Variants in MOSMO observed in about 807,000 individuals in gnomAD.
MOSMO encodes modulator of smoothened protein.
MOSMO carries 5 observed loss-of-function variants against 18.4 expected under a neutral mutation model. The observed-to-expected ratio is 0.27, with a 90% CI of 0.14 to 0.57. The LOEUF is 0.57. Ranked by LOEUF, MOSMO falls within the 20% of genes least tolerant of loss-of-function variation. The pLI, the probability that MOSMO is intolerant of heterozygous loss-of-function variation, is 0.92. For missense variants in MOSMO, 138 were observed against 211.8 expected (o/e 0.65, Z 2.16); for synonymous variants, 82 against 82.3 (o/e 1.00, Z 0.02).
chr16:22,043,840 A>G (rs1216193494), intron 1 of MOSMO, among the ~76,000 whole-genome samples: 1 of 152,170 alleles, frequency 6.6e-6, no homozygotes. Context: ...ATTATGTTGT[A>G]TTAGTCCGTT....
At chr16:22,036,242 C>T (rs1048260833) in intron 1 of MOSMO, among the ~76,000 whole-genome samples, 16 of 152,100 alleles carry the variant, frequency 1.1e-4, no homozygotes, top group African/African-American at 3.9e-4. Flanking sequence ...CCGCTTACCT[C>T]AGCCTCTCGA....
At chr16:22,034,445 T>G (rs1445708287) in intron 1 of MOSMO, among the ~76,000 whole-genome samples, 1 of 152,202 alleles carries the variant, frequency 6.6e-6, no homozygotes, top group African/African-American at 2.4e-5. Context: ...TCTTTATTTC[T>G]GTTTCATTTT....
intron 1 of MOSMO, among the ~76,000 whole-genome samples, chr16:22,040,475 A>G (rs1333285841): frequency 1.3e-5 from 2 of 152,216 alleles, no homozygotes. Flanking sequence ...AGAAGCAGGC[A>G]ATAAGAATGA....
At chr16:22,062,792 G>C (rs1046637434) in intron 1 of MOSMO, among the ~76,000 whole-genome samples, 1 of 152,088 alleles carries the variant, frequency 6.6e-6, no homozygotes. Context: ...AGGAAGCTGA[G>C]GTACACAGAG....
downstream of MOSMO, chr16:22,092,408 TATC>T: frequency 2.2e-6 from 1 of 462,010 alleles, no homozygotes; most frequent in South Asian, 2.5e-5. Flanking sequence ...GAGAAGTGGT[TATC>T]AACAACACAG....
chr16:22,080,816 T>C lies in MOSMO; in HGVS notation c.440T>C (p.Val147Ala). 1 of 1,479,810 alleles carries C rather than the reference T, an allele frequency of 6.8e-7. No individual in the cohort carries two copies. Among genetic ancestry groups the C allele is most frequent in the Non-Finnish European group, 8.9e-7 (1 of 1,122,572 alleles). 91.7% of individuals were successfully genotyped at this position (1,479,810 alleles called of 1,614,324 possible). A position where few individuals can be genotyped will look rare whatever the true frequency, so the allele number is the denominator to read the frequency against. Reference sequence around the variant, plus strand: ...GTTGGGTCATCATATGTACTTTTTGTCTTATCAATTTTCTTTACAATAGTA... The same window carrying C: ...GTTGGGTCATCATATGTACTTTTTGCCTTATCAATTTTCTTTACAATAGTA... ...TVVGSSYVLF[V>A]LSIFFTIVGL... Residue 147 changes from valine to alanine, a missense_variant, in exon 3 of 3, where the codon GTC (valine) becomes GCC (alanine). Transcript: ENST00000542527.
intron 1 of MOSMO, among the ~76,000 whole-genome samples, chr16:22,027,531 C>T (rs957487554): frequency 6.6e-6 from 1 of 152,178 alleles, no homozygotes; most frequent in Non-Finnish European, 1.5e-5. Flanking sequence ...GCACTTAATA[C>T]TACACCCAGC....
At chr16:22,025,964 A>AC in intron 1 of MOSMO, among the ~76,000 whole-genome samples, 1 of 151,424 alleles carries the variant, frequency 6.6e-6, no homozygotes, top group Non-Finnish European at 1.5e-5. Flanking sequence ...AACCATTTGA[A>AC]CCCCCTTTTT....
At position 22,034,743 on chromosome 16, in the gene MOSMO, GGT is replaced by G. The variant is rs1491237193; in HGVS notation, c.106+26337_106+26338del. Among the ~76,000 whole-genome samples the G allele has an allele frequency of 1.4e-3, 151 of 110,602 alleles. 1 individual carries two copies. The highest frequency in any genetic ancestry group is 5.4e-3 in the African/African-American group (148 of 27,558). The allele number at this position is 110,602 out of a possible 152,430, so 72.6% of individuals were successfully genotyped here. The stretch of plus-strand genomic sequence containing the variant: ...ACTGTTTTTTTTGTTTGTTTTTTTG[GGT>G]TTTTTTTTTTTTTTTTTTTTTTTTT... On this transcript the variant is annotated intron_variant, in intron 1 of 2. Transcript: ENST00000542527.
chr16:22,076,121 G>T lies in MOSMO; in HGVS notation c.319+422G>T, dbSNP rs779424444. 17 of 182,758 alleles carry T rather than the reference G, an allele frequency of 9.3e-5. No homozygotes were observed. The South Asian group carries it at 1.3e-3, about 14-fold the overall frequency. The allele number at this position is 182,758 out of a possible 1,614,324, so 11.3% of individuals were successfully genotyped here. A position where few individuals can be genotyped will look rare whatever the true frequency, so the allele number is the denominator to read the frequency against. The stretch of plus-strand genomic sequence containing the variant: ...TTTTTAATATTGATTTTGAGTTTCT[G>T]CTGTATGTTGTAACCATTGAAAAAT... On this transcript the variant is annotated intron_variant, in intron 2 of 2. Transcript: ENST00000542527.
chr16:22,037,912 C>G (rs1472063188), intron 1 of MOSMO, among the ~76,000 whole-genome samples: 3 of 152,196 alleles, frequency 2.0e-5, no homozygotes, highest in Non-Finnish European at 4.4e-5. Flanking sequence ...ATTACATAGG[C>G]ATGATTGATT....
intron 1 of MOSMO, among the ~76,000 whole-genome samples, chr16:22,016,076 T>C (rs1318240098): frequency 1.3e-5 from 2 of 152,194 alleles, no homozygotes; most frequent in Non-Finnish European, 2.9e-5. Flanking sequence ...AAAACATCAT[T>C]GTTTAATCCC....
At chr16:22,062,856 G>A (rs1221821604) in intron 1 of MOSMO, among the ~76,000 whole-genome samples, 1 of 151,868 alleles carries the variant, frequency 6.6e-6, no homozygotes, top group Non-Finnish European at 1.5e-5. Flanking sequence ...CCTGGATTTC[G>A]GTCTTTTTTC....
At position 22,044,360 on chromosome 16, in the gene MOSMO, C is replaced by T. The variant is rs561359757; in HGVS notation, c.107-31127C>T. ...ATAATAACTAATTTATTAAGTACTTCTGTGTGCCAGGGATTGTTCCTAAGC... is the reference window on the plus strand; with the variant it reads ...ATAATAACTAATTTATTAAGTACTTTTGTGTGCCAGGGATTGTTCCTAAGC... On this transcript the variant is annotated intron_variant, in intron 1 of 2. Transcript: ENST00000542527. Among the ~76,000 whole-genome samples, 22 of 152,266 alleles carry T rather than the reference C, an allele frequency of 1.4e-4. No homozygotes were observed. In the South Asian group the frequency reaches 4.4e-3, roughly 30 times the overall value.
intron 1 of MOSMO, among the ~76,000 whole-genome samples, chr16:22,014,171 C>CCAAAG (rs1385874796): frequency 1.1e-4 from 16 of 152,062 alleles, no homozygotes; most frequent in African/African-American, 3.9e-4. Flanking sequence ...AATGTTGGAT[C>CCAAAG]ACATATGCCC....
intron 1 of MOSMO, among the ~76,000 whole-genome samples, chr16:22,015,876 A>G (rs1899626184): frequency 6.6e-6 from 1 of 152,238 alleles, no homozygotes; most frequent in Non-Finnish European, 1.5e-5. Flanking sequence ...AACAGCAGGC[A>G]TGAGTAAATG....
At chr16:22,032,522 C>T (rs926280239) in intron 1 of MOSMO, among the ~76,000 whole-genome samples, 2 of 152,026 alleles carry the variant, frequency 1.3e-5, no homozygotes, top group East Asian at 1.9e-4. Context: ...GATTACTTGT[C>T]TTTAATATTG....
chr16:22,079,484 A>G (rs1391469910), intron 2 of MOSMO, among the ~76,000 whole-genome samples: 1 of 152,240 alleles, frequency 6.6e-6, no homozygotes, highest in African/African-American at 2.4e-5. Flanking sequence ...TTGGTAGCAC[A>G]AGGGAGCAGG....
chr16:22,022,708 C>T (rs1899790455), intron 1 of MOSMO, among the ~76,000 whole-genome samples: 1 of 152,014 alleles, frequency 6.6e-6, no homozygotes, highest in Non-Finnish European at 1.5e-5. Flanking sequence ...ATCCTGACCC[C>T]CGATATGGTA....
Sources: allele counts gnomAD v4.1 joint callset (sites outside exome capture counted in the v4.1 genomes callset), GRCh38; gene constraint gnomAD v4.1.1; transcripts MANE v1.5; gene names NCBI Gene and HGNC (gene_info 2026-07-23, HGNC 2026-07-21).